RGS8: variants seen among roughly 807,000 people sequenced by gnomAD.
RGS8 encodes regulator of G protein signaling 8.
A neutral mutation model predicts 21.7 loss-of-function variants in RGS8; 8 were observed. The observed-to-expected ratio is 0.37, with a 90% CI of 0.22 to 0.66. The LOEUF is 0.66. Among genes scored for constraint, RGS8 ranks in the 30% least tolerant of loss-of-function variants. RGS8 has a pLI of 0.59. For synonymous variants in RGS8, 80 were observed against 83.6 expected, an observed-to-expected ratio of 0.96 and a Z score of 0.24; for missense variants, 157 against 217.9, an observed-to-expected ratio of 0.72 and a Z score of 1.76.
chr1:182,653,669 G>A (rs12407467), intron 5 of RGS8, among the ~76,000 whole-genome samples: 6,165 of 152,090 alleles, frequency 0.041, 210 homozygotes, highest in East Asian at 0.13. Context: ...ATTCCAGCCC[G>A]GGCAACAGAG....
At chr1:182,707,074 G>C in the RGS8 span, among the ~76,000 whole-genome samples, 1 of 152,022 alleles carries the variant, frequency 6.6e-6, no homozygotes, top group African/African-American at 2.4e-5. Context: ...CAGGAGAATA[G>C]CTTGAACCGG....
At chr1:182,710,191 TCTC>T in the RGS8 span, among the ~76,000 whole-genome samples, 4 of 152,130 alleles carry the variant, frequency 2.6e-5, no homozygotes, top group Admixed American at 1.3e-4. Context: ...TCTTTCTCCC[TCTC>T]CTCCTACAAA....
At chr1:182,745,523 A>G in the RGS8 span, among the ~76,000 whole-genome samples, 1 of 152,264 alleles carries the variant, frequency 6.6e-6, no homozygotes, top group Non-Finnish European at 1.5e-5. Context: ...ACTTGAAAGT[A>G]ATAAAATGGA....
chr1:182,701,077 G>A, the RGS8 span, among the ~76,000 whole-genome samples: 1 of 152,210 alleles, frequency 6.6e-6, no homozygotes, highest in Admixed American at 6.5e-5. Flanking sequence ...TGTCAAATGT[G>A]ACATTTAGGT....
the RGS8 span, among the ~76,000 whole-genome samples, chr1:182,700,041 A>G: frequency 1.3e-5 from 2 of 152,210 alleles, no homozygotes; most frequent in Admixed American, 1.3e-4. Context: ...TCCAGGGCGA[A>G]GCCTGTGAAG....
At chr1:182,643,331 G>T (rs1287804), downstream of RGS8, 5 of 69,312 alleles carry the variant, frequency 7.2e-5, no homozygotes, top group African/African-American at 1.3e-4. Context: ...CAGCCCCCCC[G>T]CCCCCGCGCT....
chr1:182,678,534 T>G (rs1664442132), intron 1 of RGS8, among the ~76,000 whole-genome samples: 1 of 152,220 alleles, frequency 6.6e-6, no homozygotes, highest in African/African-American at 2.4e-5. Flanking sequence ...TTGAAGACTT[T>G]GTCCAATGTC....
upstream of RGS8, among the ~76,000 whole-genome samples, chr1:182,675,701 A>G (rs1172117980): frequency 2.0e-5 from 3 of 152,194 alleles, no homozygotes; most frequent in East Asian, 5.8e-4. Context: ...ACCTCAAGCT[A>G]AAAATTCTCC....
At chr1:182,662,625 A>T (rs1311166899) in intron 5 of RGS8, among the ~76,000 whole-genome samples, 3 of 152,202 alleles carry the variant, frequency 2.0e-5, no homozygotes, top group African/African-American at 7.2e-5. Context: ...CTGCCCCCAG[A>T]TCAGTTAGGT....
chr1:182,701,390 T>G, the RGS8 span, among the ~76,000 whole-genome samples: 1 of 152,176 alleles, frequency 6.6e-6, no homozygotes, highest in Non-Finnish European at 1.5e-5. Flanking sequence ...TCAGGCCAGG[T>G]CAAAGGCACA....
intron 5 of RGS8, among the ~76,000 whole-genome samples, chr1:182,657,943 G>A (rs1290497087): frequency 6.6e-6 from 1 of 152,194 alleles, no homozygotes; most frequent in Admixed American, 6.5e-5. Context: ...TTGGGAAAAT[G>A]GGAAGAGAAA....
At chr1:182,650,668 C>T (rs1662966456) in intron 5 of RGS8, among the ~76,000 whole-genome samples, 1 of 152,128 alleles carries the variant, frequency 6.6e-6, no homozygotes, top group Non-Finnish European at 1.5e-5. Flanking sequence ...CGAGACCAGC[C>T]TGGGCAACAT....
At chr1:182,671,607 T>C in intron 2 of RGS8, 50 bp downstream of exon 3, 2 of 1,511,490 alleles carry the variant, frequency 1.3e-6, no homozygotes, top group Non-Finnish European at 1.8e-6. Context: ...ATGCAATCGG[T>C]GCACACAGAC....
upstream of RGS8, among the ~76,000 whole-genome samples, chr1:182,688,864 A>C (rs1664761197): frequency 1.3e-5 from 2 of 152,184 alleles, no homozygotes; most frequent in Admixed American, 1.3e-4. Flanking sequence ...GCAGCACAAC[A>C]ACCCAAATGA....
At chr1:182,662,954 GA>G (rs201421720) in intron 5 of RGS8, among the ~76,000 whole-genome samples, 12,635 of 151,834 alleles carry the variant, frequency 0.083, 1,339 homozygotes, top group African/African-American at 0.25. Flanking sequence ...TGAGAATGGG[GA>G]GGGGGGGAAA....
chr1:182,733,610 G>A, the RGS8 span, among the ~76,000 whole-genome samples: 1 of 152,184 alleles, frequency 6.6e-6, no homozygotes, highest in East Asian at 1.9e-4. Flanking sequence ...TGGAACACCA[G>A]GGGGTGGGGA....
chr1:182,664,824 A>G (rs1557892969), intron 5 of RGS8, among the ~76,000 whole-genome samples: 2 of 152,208 alleles, frequency 1.3e-5, no homozygotes, highest in Non-Finnish European at 2.9e-5. Context: ...TAGATTTTGC[A>G]TTTCATTCTA....
At chr1:182,662,908 C>T (rs765547582) in intron 5 of RGS8, among the ~76,000 whole-genome samples, 1 of 151,896 alleles carries the variant, frequency 6.6e-6, no homozygotes, top group Non-Finnish European at 1.5e-5. Flanking sequence ...CCCAAAACAC[C>T]CAACGGAACA....
At chr1:182,720,027 A>G in the RGS8 span, among the ~76,000 whole-genome samples, 1 of 152,202 alleles carries the variant, frequency 6.6e-6, no homozygotes, top group Non-Finnish European at 1.5e-5. Flanking sequence ...TTCTTCAGAA[A>G]TATGTTTAGA....
Sources: allele counts gnomAD v4.1 joint callset (sites outside exome capture counted in the v4.1 genomes callset), GRCh38; gene constraint gnomAD v4.1.1; transcripts MANE v1.5; gene names NCBI Gene and HGNC (gene_info 2026-07-23, HGNC 2026-07-21).